TTN: variants seen among roughly 807,000 people sequenced by gnomAD.
TTN encodes connectin.
In TTN, 1,525 loss-of-function variants were observed where a neutral mutation model predicts 3,223.0. That is an observed-to-expected ratio of 0.47 (90% CI 0.45 to 0.49). The LOEUF (loss-of-function observed/expected upper bound fraction) is 0.49. TTN is among the 20% of genes least tolerant of loss of function. The pLI is 0.00. For missense variants in TTN, 40,786 were observed against 43,424.0 expected (o/e 0.94, Z 5.40); for synonymous variants, 14,094 against 15,161.0 (o/e 0.93, Z 5.17).
At chr2:178,698,539 A>C in intron 112 of TTN, among the ~76,000 whole-genome samples, 1 of 152,210 alleles carries the variant, frequency 6.6e-6, no homozygotes, top group East Asian at 1.9e-4. Flanking sequence ...TAAAAAAGAA[A>C]AAAAAAGAAT....
chr2:178,600,311 T>C (rs1383745846), intron 288 of TTN, among the ~76,000 whole-genome samples: 1 of 151,376 alleles, frequency 6.6e-6, no homozygotes, highest in East Asian at 2.0e-4. Context: ...GACAGAAATA[T>C]TCAAAGAGGG....
chr2:178,799,695 T>G lies in TTN; in HGVS notation c.706A>C (p.Thr236Pro). ...GCACCATCTATGACCATCTCAACTG[T>G]TGCAATTGATCTGGCATCAAAGTGG... ...EAHFDARSIATVEMVIDGAAG... is the reference protein window; with the variant it reads ...EAHFDARSIAPVEMVIDGAAG... Residue 236 changes from threonine to proline, a missense_variant, in exon 6 of 363, where the codon ACA becomes CCA. Physicochemically the swap from Thr to Pro is conservative, Grantham distance 38. Coordinates refer to ENST00000589042, the MANE Select transcript of TTN (RefSeq NM_001267550.2). 6.2e-7 allele frequency: 1 copy of G among 1,614,160 alleles called. No homozygotes were observed. Among genetic ancestry groups the G allele is most frequent in the Non-Finnish European group, 8.5e-7 (1 of 1,180,022 alleles).
chr2:178,541,303 T>C lies in TTN; in HGVS notation c.97774A>G (p.Ile32592Val). 2 of 1,519,186 alleles carry C rather than the reference T, an allele frequency of 1.3e-6. No homozygotes were observed. Among genetic ancestry groups the C allele is most frequent in the African/African-American group, 1.4e-5 (1 of 73,066 alleles). The allele number at this position is 1,519,186 out of a possible 1,614,324, so 94.1% of individuals were successfully genotyped here. A position where few individuals can be genotyped will look rare whatever the true frequency, so the allele number is the denominator to read the frequency against. The change falls in exon 350 of 363, where the codon ATC (isoleucine) becomes GTC (valine). Residue 32592 changes from isoleucine (I) to valine (V), a missense_variant. Ile to Val is a conservative substitution (Grantham distance 29). Transcript: ENST00000589042. The part of the protein sequence containing the change: ...SGKPSRPSKP[I>V]VAMDPIAPPG... The stretch of plus-strand genomic sequence containing the variant: ...TTACCAATTGGATCCATGGCAACGA[T>C]GGGTTTGGAAGGACGACTTGGTTTC...
Position 178,714,584 on chromosome 2 carries a change from A to G in TTN, c.26201-11T>C. ...CAAATCTTGGTGGTGCTGATGAAAAAGGAGGAAAGCCTGGGTTTTAAAATT... is the reference window on the plus strand; with the variant it reads ...CAAATCTTGGTGGTGCTGATGAAAAGGGAGGAAAGCCTGGGTTTTAAAATT... On this transcript the variant is annotated splice_polypyrimidine_tract_variant and intron_variant, in intron 90 of 362. Transcript: ENST00000589042. 6.3e-7 allele frequency: 1 copy of G among 1,579,028 alleles called. No individual in the cohort carries two copies. Among genetic ancestry groups the G allele is most frequent in the Non-Finnish European group, 8.6e-7 (1 of 1,163,226 alleles).
Position 178,538,729 on chromosome 2 carries a change from A to T in TTN, c.99100T>A (p.Trp33034Arg). 6.2e-7 allele frequency: 1 copy of T among 1,613,790 alleles called. No individual in the cohort carries two copies. Among genetic ancestry groups the T allele is most frequent in the South Asian group, 1.1e-5 (1 of 91,076 alleles). ...TCTCCAGACTGTCTATATTCAACCC[A>T]GTATCCAAGAATTTCTTTACCACCA... Reference protein sequence around the residue: ...CDGGKEILGYWVEYRQSGDSA... With the variant: ...CDGGKEILGYRVEYRQSGDSA... Residue 33034 changes from tryptophan (W) to arginine (R), a missense_variant, in exon 354 of 363, where the codon TGG becomes AGG. By Grantham distance (101) the Trp-to-Arg change is moderately radical. Transcript: ENST00000589042.
In TTN at chr2:178,560,274, C is replaced by G; in HGVS notation, c.85858G>C (p.Glu28620Gln). The G allele has an allele frequency of 6.2e-7, 1 of 1,613,810 alleles. No homozygotes were observed. Among genetic ancestry groups the G allele is most frequent in the Non-Finnish European group, 8.5e-7 (1 of 1,179,792 alleles). ...VKSTGLREGC[E>Q]YEYRVYAENA... ...TCTGCATAAACACGATATTCATATT[C>G]ACATCCTTCCCGAAGTCCTGTTGAT... is the stretch of plus-strand genomic sequence containing the variant. Residue 28620 changes from glutamate to glutamine, a missense_variant, in exon 326 of 363, where the codon GAA (glutamate) becomes CAA (glutamine). Coordinates refer to ENST00000589042, the MANE Select transcript of TTN (RefSeq NM_001267550.2).
At chr2:178,678,289 T>C (rs2068551244) in intron 144 of TTN, 81 bp from the exon 145 acceptor site, 1 of 1,525,146 alleles carries the variant, frequency 6.6e-7, no homozygotes, top group Admixed American at 2.0e-5. Flanking sequence ...AATCACAAAA[T>C]ATCTGACATA....
chr2:178,684,861 G>A, intron 130 of TTN, 45 bp downstream of exon 130: 1 of 1,549,732 alleles, frequency 6.5e-7, no homozygotes, highest in Non-Finnish European at 8.8e-7. Context: ...ATCAATTTAA[G>A]ATTAAAAAAA....
intron 7 of TTN, 83 bp downstream of exon 7, chr2:178,794,839 A>G: frequency 6.5e-7 from 1 of 1,550,308 alleles, no homozygotes; most frequent in Non-Finnish European, 8.8e-7. Context: ...CCTCCAATTT[A>G]TACAGACTGA....
At chr2:178,637,441 G>A (rs773560449) in intron 223 of TTN, 22 bp from the exon 224 acceptor site, 5 of 1,453,010 alleles carry the variant, frequency 3.4e-6, no homozygotes, top group Middle Eastern at 1.8e-4. Context: ...ATAAAACTCA[G>A]CATTTAAACA....
In TTN at chr2:178,587,626, A is replaced by T; in HGVS notation, c.63683T>A (p.Met21228Lys). 6.2e-7 allele frequency: 1 copy of T among 1,612,788 alleles called. No individual in the cohort carries two copies. Residue 21228 changes from methionine (M) to lysine (K), a missense_variant, in exon 306 of 363, where the codon ATG (methionine) becomes AAG (lysine). Physicochemically the swap from Met to Lys is moderately conservative, Grantham distance 95. Coordinates refer to ENST00000589042, the MANE Select transcript of TTN (RefSeq NM_001267550.2). ...AGAATTGGGGATGACAAGGAAGGCC[A>T]TAGTGTCAACCAGATCAACTTGTCC... ...RKGQVDLVDT[M>K]AFLVIPNSTR...
chr2:178,700,695 A>G (rs2074802098), intron 111 of TTN, among the ~76,000 whole-genome samples: 1 of 152,208 alleles, frequency 6.6e-6, no homozygotes, highest in African/African-American at 2.4e-5. Context: ...ACAAAATAGT[A>G]AATTTTTAAG....
Position 178,568,427 on chromosome 2 carries a change from T to A in TTN, c.77705A>T (p.Asp25902Val). The change falls in exon 326 of 363, where the codon GAC (aspartate) becomes GTC (valine). Residue 25902 changes from aspartate to valine, a missense_variant. Coordinates refer to ENST00000589042, the MANE Select transcript of TTN (RefSeq NM_001267550.2). ...TAATGTAATACTTTCAGCACTGACGTCATCAAATTTAACAGGTCCTTTTGG... is the reference window on the plus strand; with the variant it reads ...TAATGTAATACTTTCAGCACTGACGACATCAAATTTAACAGGTCCTTTTGG... ...DPPKGPVKFD[D>V]VSAESITLSW... The A allele has an allele frequency of 6.2e-7, 1 of 1,613,240 alleles. No individual in the cohort carries two copies. Among genetic ancestry groups the A allele is most frequent in the Non-Finnish European group, 8.5e-7 (1 of 1,179,554 alleles).
intron 240 of TTN, among the ~76,000 whole-genome samples, chr2:178,627,571 A>G (rs897778429): frequency 8.6e-5 from 13 of 152,000 alleles, no homozygotes; most frequent in African/African-American, 3.1e-4. Flanking sequence ...GTAAAGGATT[A>G]AAATTCCTAT....
At chr2:178,744,738 C>T (rs1175187772) in intron 47 of TTN, 3 of 984,400 alleles carry the variant, frequency 3.0e-6, no homozygotes, top group Non-Finnish European at 3.6e-6. Context: ...GTTTTAAAAT[C>T]TATATGTAAA....
rs201185434 is a variant in TTN, at chr2:178,733,847, C to G, written c.15542G>C (p.Gly5181Ala). Residue 5181 changes from glycine to alanine, a missense_variant, in exon 53 of 363, where the codon GGA (glycine) becomes GCA (alanine). Gly to Ala is a moderately conservative substitution (Grantham distance 60). Coordinates refer to ENST00000589042, the MANE Select transcript of TTN (RefSeq NM_001267550.2). Reference protein sequence around the residue: ...VKKVDDLIALGGQTVTLQAAV... With the variant: ...VKKVDDLIALAGQTVTLQAAV... ...AGCTTGCAGGGTAACGGTTTGTCCT[C>G]CTAGTGCAATCAAATCATCTACTTT... is the stretch of plus-strand genomic sequence containing the variant. The G allele has an allele frequency of 1.7e-4, 275 of 1,608,638 alleles. 1 individual carries two copies. In the African/African-American group the frequency reaches 3.3e-3, roughly 19 times the overall value.
Position 178,685,584 on chromosome 2 carries a change from C to T in TTN, c.32326G>A (p.Glu10776Lys), listed in dbSNP as rs780520746. 1.9e-6 allele frequency: 3 copies of T among 1,613,536 alleles called. No individual in the cohort carries two copies. The highest frequency in any genetic ancestry group is 1.7e-5 in the Admixed American group (1 of 59,996). ...VTEYEVMEEP[E>K]EYVVEEKLHI... is the part of the protein sequence containing the mutation. The stretch of plus-strand genomic sequence containing the variant: ...AGCTTTTCTTCCACAACATATTCCT[C>T]AGGCTCTTCCATCACTTTAAAGACA... Residue 10776 changes from glutamate (E) to lysine (K), a missense_variant, in exon 128 of 363, where the codon GAG (glutamate) becomes AAG (lysine). Coordinates refer to ENST00000589042, the MANE Select transcript of TTN (RefSeq NM_001267550.2).
chr2:178,653,313 C>A lies in TTN; in HGVS notation c.38716G>T (p.Ala12906Ser), dbSNP rs752095287. The A allele has an allele frequency of 1.2e-6, 2 of 1,612,344 alleles. No individual in the cohort carries two copies. The highest frequency in any genetic ancestry group is 2.2e-5 in the East Asian group (1 of 44,864). ...TTTTCAAGGACAACTTCTTTGGGAG[C>A]CTCTGGCACTTAAAAGATATTAGTA... ...PEVPPVTVPE[A>S]PKEVVLEKKV... is the part of the protein sequence containing the mutation. The change falls in exon 198 of 363, where the codon GCT (alanine) becomes TCT (serine). Residue 12906 changes from alanine (A) to serine (S), a missense_variant. Coordinates refer to ENST00000589042, the MANE Select transcript of TTN (RefSeq NM_001267550.2).
rs765503214 is a variant in TTN at position 178,678,213 on chromosome 2, A to AC, written c.33911-6_33911-5insG. On this transcript the variant is annotated splice_polypyrimidine_tract_variant and splice_region_variant and intron_variant, in intron 144 of 362. Transcript: ENST00000589042. ...GCTTCTTGGGCACCTCTGGCACTTT[A>AC]AAGATATTATTTATATTTAGGAATA... 9.2e-5 allele frequency: 148 copies of AC among 1,600,826 alleles called. No individual in the cohort carries two copies. The highest frequency in any genetic ancestry group is 4.4e-4 in the Admixed American group (25 of 57,156).
Sources: gnomAD v4.1 joint callset for allele counts (sites outside exome capture counted in the v4.1 genomes callset) on GRCh38, gnomAD v4.1.1 for gene constraint, MANE v1.5 for transcripts, NCBI Gene and HGNC (gene_info 2026-07-23, HGNC 2026-07-21) for gene names.